PAPPA2: variants seen among roughly 807,000 people sequenced by gnomAD.
The protein encoded by PAPPA2 is pappalysin-2.
A neutral mutation model predicts 176.4 loss-of-function variants in PAPPA2; 86 were observed. The observed-to-expected ratio is 0.49, with a 90% CI of 0.41 to 0.58. The LOEUF is 0.58. Among genes scored for constraint, PAPPA2 ranks in the 20% least tolerant of loss-of-function variants. The pLI, the probability that PAPPA2 is intolerant of heterozygous loss-of-function variation, is 0.00. For synonymous variants in PAPPA2, 809 were observed against 852.2 expected, an observed-to-expected ratio of 0.95 and a Z score of 0.88; for missense variants, 2,073 against 2,256.9, an observed-to-expected ratio of 0.92 and a Z score of 1.65.
At chr1:176,768,223 C>A (rs1396137562) in intron 15 of PAPPA2, among the ~76,000 whole-genome samples, 1 of 151,974 alleles carries the variant, frequency 6.6e-6, no homozygotes, top group Non-Finnish European at 1.5e-5. Flanking sequence ...ACCCTAGACA[C>A]CTTCTTCTCC....
intron 3 of PAPPA2, among the ~76,000 whole-genome samples, chr1:176,631,438 TA>T (rs1461630441): frequency 6.6e-6 from 1 of 152,114 alleles, no homozygotes; most frequent in African/African-American, 2.4e-5. Context: ...TTTGTGGCAA[TA>T]AAAAATATTC....
At chr1:176,697,403 A>T (rs894328475) in intron 7 of PAPPA2, among the ~76,000 whole-genome samples, 3 of 152,222 alleles carry the variant, frequency 2.0e-5, no homozygotes, top group African/African-American at 7.2e-5. Context: ...GCATTAATTT[A>T]TAAATCATTA....
chr1:176,700,879 C>A (rs1660622577), intron 8 of PAPPA2, among the ~76,000 whole-genome samples: 1 of 152,150 alleles, frequency 6.6e-6, no homozygotes. Flanking sequence ...AGCTTCATTA[C>A]ATTTTTCTTC....
At position 176,793,616 on chromosome 1, in the gene PAPPA2, G is replaced by A. The variant is rs1665285883; in HGVS notation, c.5077G>A (p.Glu1693Lys). 1 of 1,613,306 alleles carries A rather than the reference G, an allele frequency of 6.2e-7. No homozygotes were observed. The highest frequency in any genetic ancestry group is 2.2e-5 in the East Asian group (1 of 44,856). ...CCCCAGTGACCCCGTGATGCTACCT[G>A]AGAATATCACTGCTGACACTCTGGA... ...IPPSDPVMLP[E>K]NITADTLEHW... The change falls in exon 20 of 23, where the codon GAG (glutamate) becomes AAG (lysine). Residue 1693 changes from glutamate (E) to lysine (K), a missense_variant. Physicochemically the swap from Glu to Lys is moderately conservative, Grantham distance 56. Around this residue, in one of 4 missense-constraint regions of PAPPA2, gnomAD observed 846 missense variants for 857.9 expected, o/e 0.99. Transcript: ENST00000367662.
At position 176,565,962 on chromosome 1, in the gene PAPPA2, T is replaced by C. The variant is rs187965495; in HGVS notation, c.919+8721T>C. ...CTGAACCTTCACCTTTGGCCTGAAG[T>C]GTATTACTTGCTATTACCTGCAACC... On this transcript the variant is annotated intron_variant, in intron 2 of 22. Transcript: ENST00000367662. Among the ~76,000 whole-genome samples, 32 of 152,192 alleles carry C rather than the reference T, an allele frequency of 2.1e-4. 1 individual carries two copies. Among genetic ancestry groups the C allele is most frequent in the African/African-American group, 6.3e-4 (26 of 41,520 alleles).
At chr1:176,683,206 G>A (rs1659671060) in intron 4 of PAPPA2, among the ~76,000 whole-genome samples, 1 of 151,978 alleles carries the variant, frequency 6.6e-6, no homozygotes, top group Admixed American at 6.6e-5. Flanking sequence ...CTTCTAATTA[G>A]CAGATTCTTT....
intron 3 of PAPPA2, among the ~76,000 whole-genome samples, chr1:176,611,143 G>A (rs1056717460): frequency 2.6e-5 from 4 of 152,138 alleles, no homozygotes; most frequent in African/African-American, 9.7e-5. Flanking sequence ...TATGTTGAGT[G>A]CTTTCTGACT....
At chr1:176,474,135 T>C (rs1652008134) in intron 1 of PAPPA2, among the ~76,000 whole-genome samples, 1 of 152,212 alleles carries the variant, frequency 6.6e-6, no homozygotes, top group Non-Finnish European at 1.5e-5. Flanking sequence ...CTAAAAGCTG[T>C]GTCTAGTAGT....
At chr1:176,597,292 A>AT (rs1181439100) in intron 3 of PAPPA2, among the ~76,000 whole-genome samples, 1 of 152,232 alleles carries the variant, frequency 6.6e-6, no homozygotes, top group African/African-American at 2.4e-5. Flanking sequence ...TTTTCAGATT[A>AT]TTTTGTGAAT....
At chr1:176,536,877 G>A (rs903581786) in intron 1 of PAPPA2, among the ~76,000 whole-genome samples, 1 of 152,126 alleles carries the variant, frequency 6.6e-6, no homozygotes, top group Admixed American at 6.6e-5. Context: ...GGCTCTACAC[G>A]GGCACTGTGC....
chr1:176,628,644 T>C (rs1452168271), intron 3 of PAPPA2, among the ~76,000 whole-genome samples: 2 of 152,220 alleles, frequency 1.3e-5, no homozygotes, highest in African/African-American at 4.8e-5. Context: ...AGGTACATGT[T>C]GATTTCTGGT....
intron 1 of PAPPA2, among the ~76,000 whole-genome samples, chr1:176,483,717 C>T (rs1558395394): frequency 6.6e-6 from 1 of 151,994 alleles, no homozygotes; most frequent in African/African-American, 2.4e-5. Context: ...GATCCACCCA[C>T]CTAGGCCTCC....
intron 21 of PAPPA2, among the ~76,000 whole-genome samples, chr1:176,810,327 G>A (rs563048994): frequency 9.2e-5 from 14 of 152,220 alleles, no homozygotes; most frequent in African/African-American, 2.9e-4. Flanking sequence ...GAACTGGAAT[G>A]GTTTAGGGGG....
chr1:176,537,719 A>AGTGTGTGTGT (rs57602344), intron 1 of PAPPA2, among the ~76,000 whole-genome samples: 4,906 of 143,806 alleles, frequency 0.034, 127 homozygotes, highest in Admixed American at 0.081. Flanking sequence ...GTAGGTATGG[A>AGTGTGTGTGT]GTGTGTGTGT....
At chr1:176,692,081 G>A (rs368569646) in intron 5 of PAPPA2, 45 bp from the exon 6 acceptor site, 1 of 1,538,464 alleles carries the variant, frequency 6.5e-7, no homozygotes, top group African/African-American at 1.4e-5. Context: ...TGGACTTGAT[G>A]GGTTAAAATC....
intron 3 of PAPPA2, among the ~76,000 whole-genome samples, chr1:176,598,838 T>A (rs1409514872): frequency 6.6e-6 from 1 of 152,170 alleles, no homozygotes; most frequent in Non-Finnish European, 1.5e-5. Context: ...TCCTGGGACT[T>A]CTCTTCAATG....
intron 1 of PAPPA2, among the ~76,000 whole-genome samples, chr1:176,512,221 C>CAAAAAAAA (rs58968098): frequency 9.5e-6 from 1 of 105,738 alleles, no homozygotes; most frequent in African/African-American, 3.6e-5. Context: ...ACTAAATTTG[C>CAAAAAAAA]AAAAAAAAAA....
chr1:176,476,466 A>G (rs1652131475), intron 1 of PAPPA2, among the ~76,000 whole-genome samples: 1 of 152,186 alleles, frequency 6.6e-6, no homozygotes, highest in Non-Finnish European at 1.5e-5. Context: ...TTTCAGTCCT[A>G]TTTCTGTGCA....
intron 1 of PAPPA2, among the ~76,000 whole-genome samples, chr1:176,515,432 C>T (rs1648854859): frequency 6.6e-6 from 1 of 152,130 alleles, no homozygotes; most frequent in Non-Finnish European, 1.5e-5. Context: ...GGATTGTGAT[C>T]ACCCAGACTT....
Sources: allele counts gnomAD v4.1 joint callset (sites outside exome capture counted in the v4.1 genomes callset), GRCh38; gene constraint gnomAD v4.1.1; regional missense constraint gnomAD v4.1.1; transcripts MANE v1.5; gene names NCBI Gene and HGNC (gene_info 2026-07-23, HGNC 2026-07-21).